The following HIBADH variants were observed in gnomAD, a reference collection of about 807,000 sequenced individuals.
HIBADH encodes 3-hydroxyisobutyrate dehydrogenase, also known as 3-hydroxyisobutyrate dehydrogenase, mitochondrial.
In HIBADH, 25 loss-of-function variants were observed where a neutral mutation model predicts 36.1. That is an observed-to-expected ratio of 0.69 (90% CI 0.50 to 0.97). HIBADH has a LOEUF of 0.97. Among genes scored for constraint, HIBADH ranks in the 50% least tolerant of loss-of-function variants. HIBADH has a pLI of 0.00. For synonymous variants in HIBADH, 160 were observed against 149.5 expected (o/e 1.07, Z -0.51); for missense variants, 421 against 418.0 (o/e 1.01, Z -0.06).
intron 1 of HIBADH, among the ~76,000 whole-genome samples, chr7:27,656,649 T>A (rs1024639741): frequency 6.6e-6 from 1 of 152,192 alleles, no homozygotes; most frequent in South Asian, 2.1e-4. Context: ...ACCTGGAGAG[T>A]TGGACTACTG....
intron 4 of HIBADH, among the ~76,000 whole-genome samples, chr7:27,601,049 G>C (rs551355191): frequency 1.3e-5 from 2 of 152,206 alleles, no homozygotes; most frequent in Non-Finnish European, 2.9e-5. Context: ...CACTGGCAAA[G>C]GAAAATGTTA....
At chr7:27,576,149 GAAGAC>G (rs1315063024) in intron 4 of HIBADH, among the ~76,000 whole-genome samples, 2 of 152,186 alleles carry the variant, frequency 1.3e-5, no homozygotes, top group African/African-American at 4.8e-5. Context: ...AATGAAGCAG[GAAGAC>G]AAGACATGAG....
chr7:27,599,680 C>A (rs1368972740), intron 4 of HIBADH, among the ~76,000 whole-genome samples: 37 of 41,072 alleles, frequency 9.0e-4, no homozygotes, highest in South Asian at 3.7e-3. Context: ...ACTCTGTCTC[C>A]AAAAAAAAAA....
At chr7:27,604,410 TTACTC>T (rs1369946986) in intron 4 of HIBADH, among the ~76,000 whole-genome samples, 1 of 135,020 alleles carries the variant, frequency 7.4e-6, no homozygotes, top group Non-Finnish European at 1.6e-5. Flanking sequence ...CTAGTCCAGT[TTACTC>T]TATCAAATTT....
intron 4 of HIBADH, among the ~76,000 whole-genome samples, chr7:27,610,879 T>C (rs1175999447): frequency 6.6e-6 from 1 of 152,190 alleles, no homozygotes; most frequent in Non-Finnish European, 1.5e-5. Flanking sequence ...GATACAGATC[T>C]AGTGGAAAAA....
At chr7:27,565,216 C>A (rs904648375) in intron 4 of HIBADH, among the ~76,000 whole-genome samples, 11 of 152,134 alleles carry the variant, frequency 7.2e-5, no homozygotes, top group African/African-American at 2.7e-4. Flanking sequence ...ACTAGCCAAG[C>A]CTAAGCCTGC....
chr7:27,631,490 T>C (rs1267737775), intron 3 of HIBADH, among the ~76,000 whole-genome samples: 1 of 152,226 alleles, frequency 6.6e-6, no homozygotes, highest in Non-Finnish European at 1.5e-5. Flanking sequence ...GTCTACCAGT[T>C]TGCTCTAGCT....
At chr7:27,590,746 C>T (rs188163654) in intron 4 of HIBADH, among the ~76,000 whole-genome samples, 8 of 152,288 alleles carry the variant, frequency 5.3e-5, no homozygotes, top group Admixed American at 5.2e-4. Context: ...CTATAAAATA[C>T]AACTATCACT....
At position 27,527,917 on chromosome 7, in the gene HIBADH, C is replaced by CTTTTTTTTTTTTTTTTTTTTTT. The variant is rs1562609863; in HGVS notation, c.853-1546_853-1545insAAAAAAAAAAAAAAAAAAAAAA. On this transcript the variant is annotated intron_variant, in intron 7 of 7. Coordinates refer to ENST00000265395, the MANE Select transcript of HIBADH (RefSeq NM_152740.4). ...AGGCATTTGCCACCACCACACCCAG[C>CTTTTTTTTTTTTTTTTTTTTTT]GTTTTTTTTTTTTTTTTTTTTTTTT... Among the ~76,000 whole-genome samples, 61 of 77,032 alleles carry CTTTTTTTTTTTTTTTTTTTTTT rather than the reference C, an allele frequency of 7.9e-4. 22 individuals carry two copies. Among genetic ancestry groups the CTTTTTTTTTTTTTTTTTTTTTT allele is most frequent in the Middle Eastern group, 7.6e-3 (1 of 132 alleles). 50.5% of individuals were successfully genotyped at this position (77,032 alleles called of 152,430 possible). A position where few individuals can be genotyped will look rare whatever the true frequency, so the allele number is the denominator to read the frequency against.
chr7:27,627,122 G>C (rs756143044), intron 4 of HIBADH, among the ~76,000 whole-genome samples: 4 of 152,076 alleles, frequency 2.6e-5, no homozygotes, highest in Admixed American at 1.3e-4. Flanking sequence ...ACTAACCAAG[G>C]GTCATGCGGC....
chr7:27,565,690 A>C (rs1329210293), intron 4 of HIBADH, among the ~76,000 whole-genome samples: 2 of 152,168 alleles, frequency 1.3e-5, no homozygotes, highest in Non-Finnish European at 2.9e-5. Flanking sequence ...GAGACTAAGC[A>C]GTGAGAGTAG....
chr7:27,580,393 G>A (rs1008244391), intron 4 of HIBADH, among the ~76,000 whole-genome samples: 1 of 152,142 alleles, frequency 6.6e-6, no homozygotes, highest in Non-Finnish European at 1.5e-5. Flanking sequence ...AAAAATCTCA[G>A]TTCCCAATAA....
intron 4 of HIBADH, among the ~76,000 whole-genome samples, chr7:27,613,131 TA>T: frequency 1.6e-5 from 2 of 123,564 alleles, no homozygotes; most frequent in East Asian, 2.1e-4. Context: ...TATTTATATA[TA>T]TTTATATAAA....
intron 4 of HIBADH, among the ~76,000 whole-genome samples, chr7:27,563,018 G>A (rs1290742139): frequency 6.6e-6 from 1 of 152,138 alleles, no homozygotes; most frequent in Non-Finnish European, 1.5e-5. Flanking sequence ...GTGAGGATAC[G>A]AAATAATTCT....
At chr7:27,624,686 T>C (rs1477734441) in intron 4 of HIBADH, among the ~76,000 whole-genome samples, 1 of 152,226 alleles carries the variant, frequency 6.6e-6, no homozygotes, top group Non-Finnish European at 1.5e-5. Flanking sequence ...TATTTCCTAA[T>C]ACAGTAGAAT....
chr7:27,595,621 TGTGA>T (rs1158735014), intron 4 of HIBADH, among the ~76,000 whole-genome samples: 4 of 145,086 alleles, frequency 2.8e-5, no homozygotes, highest in Non-Finnish European at 6.1e-5. Context: ...TGTGTGTGTG[TGTGA>T]ACCGCTATAT....
chr7:27,531,752 A>T (rs1056795247), intron 6 of HIBADH, among the ~76,000 whole-genome samples: 2 of 152,206 alleles, frequency 1.3e-5, no homozygotes, highest in African/African-American at 4.8e-5. Context: ...CACAAATGAT[A>T]TATTTCAGAA....
At chr7:27,612,025 T>C (rs1785329715) in intron 4 of HIBADH, among the ~76,000 whole-genome samples, 1 of 152,148 alleles carries the variant, frequency 6.6e-6, no homozygotes, top group African/African-American at 2.4e-5. Flanking sequence ...CAATTATCAC[T>C]GAAATTATTT....
chr7:27,600,096 T>C lies in HIBADH; in HGVS notation c.484+29275A>G, dbSNP rs2128290159. ...AAAACAGAATGGGTCTTCTTTCACA[T>C]TTCTTATTTTTCTTCACCTTTATTG... is the stretch of plus-strand genomic sequence containing the variant. On this transcript the variant is annotated intron_variant, in intron 4 of 7. Coordinates refer to ENST00000265395, the MANE Select transcript of HIBADH (RefSeq NM_152740.4). Among the ~76,000 whole-genome samples, 2 of 152,264 alleles carry C rather than the reference T, an allele frequency of 1.3e-5. 1 individual carries two copies. Among genetic ancestry groups the C allele is most frequent in the South Asian group, 4.1e-4 (2 of 4,824 alleles).
Sources: allele counts gnomAD v4.1 joint callset (sites outside exome capture counted in the v4.1 genomes callset), GRCh38; gene constraint gnomAD v4.1.1; transcripts MANE v1.5; gene names NCBI Gene and HGNC (gene_info 2026-07-23, HGNC 2026-07-21).